MSH3: variants seen among roughly 807,000 people sequenced by gnomAD.
The protein encoded by MSH3 is mutS homolog 3.
In MSH3, 106 loss-of-function variants were observed where a neutral mutation model predicts 123.3. The ratio of observed to expected loss-of-function variants is 0.86; its 90% CI spans 0.73 to 1.01. MSH3 has a LOEUF of 1.01. Ranked by LOEUF, MSH3 falls within the 50% of genes least tolerant of loss-of-function variation. MSH3 has a pLI of 0.00. For missense variants in MSH3, 1,459 were observed against 1,347.6 expected (o/e 1.08, Z -1.29); for synonymous variants, 515 against 481.4 (o/e 1.07, Z -0.91).
chr5:80,692,651 G>GAT (rs1171802933), intron 8 of MSH3, among the ~76,000 whole-genome samples: 1,811 of 113,402 alleles, frequency 0.016, 76 homozygotes, highest in African/African-American at 0.049. Flanking sequence ...TGTTTATATA[G>GAT]ATATATATAT....
Position 80,772,278 on chromosome 5 carries a change from A to G in MSH3, c.2253+3275A>G, listed in dbSNP as rs1283078388. ...CTGTTTACTGGTTTAAAATGTGGAAAATAATCTGTTACATCTGAGTACTTT... is the reference window on the plus strand; with the variant it reads ...CTGTTTACTGGTTTAAAATGTGGAAGATAATCTGTTACATCTGAGTACTTT... On this transcript the variant is annotated intron_variant, in intron 15 of 23. Coordinates refer to ENST00000265081, the MANE Select transcript of MSH3 (RefSeq NM_002439.5). 2.0e-5 allele frequency among the ~76,000 whole-genome samples: 3 copies of G among 152,332 alleles called. No individual in the cohort carries two copies. In the East Asian group the frequency reaches 5.8e-4, roughly 29 times the overall value.
rs1337425751 is a variant in MSH3, at chr5:80,741,491, G to A, written c.1596G>A (p.Met532Ile). Residue 532 changes from methionine (M) to isoleucine (I), a missense_variant, in exon 11 of 24, where the codon ATG (methionine) becomes ATA (isoleucine). Transcript: ENST00000265081. ...PENFKQLSSKMEFMTINGTTL... is the reference protein window; with the variant it reads ...PENFKQLSSKIEFMTINGTTL... Reference sequence around the variant, plus strand: ...ATTTTAAACAGCTATCAAGTAAAATGGAATTTATGACAATTAATGGAACAA... The same window carrying A: ...ATTTTAAACAGCTATCAAGTAAAATAGAATTTATGACAATTAATGGAACAA... 1 of 1,605,572 alleles carries A rather than the reference G, an allele frequency of 6.2e-7. No individual in the cohort carries two copies. Among genetic ancestry groups the A allele is most frequent in the Non-Finnish European group, 8.5e-7 (1 of 1,172,434 alleles).
intron 8 of MSH3, among the ~76,000 whole-genome samples, chr5:80,717,729 G>A (rs1017275427): frequency 6.6e-6 from 1 of 151,798 alleles, no homozygotes; most frequent in Admixed American, 6.6e-5. Flanking sequence ...TGTCATTGTG[G>A]TTTTGATTTG....
At chr5:80,738,027 A>G (rs1216048631) in intron 10 of MSH3, among the ~76,000 whole-genome samples, 1 of 152,222 alleles carries the variant, frequency 6.6e-6, no homozygotes, top group Admixed American at 6.5e-5. Context: ...AACACCCATA[A>G]CCAACCAAAT....
At chr5:80,824,180 A>T (rs975007725) in intron 20 of MSH3, among the ~76,000 whole-genome samples, 3 of 152,214 alleles carry the variant, frequency 2.0e-5, no homozygotes, top group Admixed American at 1.3e-4. Flanking sequence ...CGCCATCGTC[A>T]TCATGGCCCA....
In MSH3 at chr5:80,864,965, G is replaced by T. The variant is rs750474686; in HGVS notation, c.3130+23G>T. Reference sequence around the variant, plus strand: ...CAGGTATGAAATATTCCTGCAGTTGGTACAAATATTGGTTTTCATGTTTGA... The same window carrying T: ...CAGGTATGAAATATTCCTGCAGTTGTTACAAATATTGGTTTTCATGTTTGA... On this transcript the variant is annotated intron_variant, in intron 22 of 23. Coordinates refer to ENST00000265081, the MANE Select transcript of MSH3 (RefSeq NM_002439.5). 3.7e-6 allele frequency: 6 copies of T among 1,612,726 alleles called. No homozygotes were observed. The highest frequency in any genetic ancestry group is 5.1e-6 in the Non-Finnish European group (6 of 1,178,878).
At chr5:80,695,887 C>A (rs1464017615) in intron 8 of MSH3, among the ~76,000 whole-genome samples, 1 of 152,112 alleles carries the variant, frequency 6.6e-6, no homozygotes, top group East Asian at 1.9e-4. Context: ...TTGGTTGGAA[C>A]CAGTGCTTTT....
intron 20 of MSH3, among the ~76,000 whole-genome samples, chr5:80,843,932 T>C (rs1745672162): frequency 6.6e-6 from 1 of 151,814 alleles, no homozygotes; most frequent in Non-Finnish European, 1.5e-5. Flanking sequence ...ATTTCTTGCC[T>C]TCTGCTTGCT....
At chr5:80,723,876 C>T (rs554796176) in intron 8 of MSH3, among the ~76,000 whole-genome samples, 3 of 152,194 alleles carry the variant, frequency 2.0e-5, no homozygotes, top group Non-Finnish European at 2.9e-5. Context: ...GATCCTCCCA[C>T]CTCAGCCTTC....
Position 80,744,489 on chromosome 5 carries a change from T to C in MSH3, c.1654-17T>C. The stretch of plus-strand genomic sequence containing the variant: ...TAATTGTCTAGTTAATAAAACTTGT[T>C]TTCTGGTCTTTCTTAGACTGATATG... On this transcript the variant is annotated splice_polypyrimidine_tract_variant and intron_variant, in intron 11 of 23. Coordinates refer to ENST00000265081, the MANE Select transcript of MSH3 (RefSeq NM_002439.5). 4 of 1,577,896 alleles carry C rather than the reference T, an allele frequency of 2.5e-6. No homozygotes were observed. Among genetic ancestry groups the C allele is most frequent in the Non-Finnish European group, 3.5e-6 (4 of 1,148,384 alleles).
chr5:80,808,619 C>A (rs1229109555), intron 19 of MSH3, among the ~76,000 whole-genome samples: 1 of 151,748 alleles, frequency 6.6e-6, no homozygotes, highest in Non-Finnish European at 1.5e-5. Context: ...TCTATATATA[C>A]AAAGAATTGA....
intron 22 of MSH3, among the ~76,000 whole-genome samples, chr5:80,872,696 T>A (rs1057136988): frequency 6.6e-6 from 1 of 152,040 alleles, no homozygotes; most frequent in Non-Finnish European, 1.5e-5. Flanking sequence ...TAGTCCTAGC[T>A]ACTTAGGAGG....
chr5:80,665,525 C>T (rs1718363627), intron 3 of MSH3, among the ~76,000 whole-genome samples, 162 bp downstream of exon 3: 1 of 152,058 alleles, frequency 6.6e-6, no homozygotes, highest in Non-Finnish European at 1.5e-5. Flanking sequence ...TCTTACATCC[C>T]TGGAGATTCG....
At chr5:80,800,153 A>G (rs1009385413) in intron 19 of MSH3, among the ~76,000 whole-genome samples, 2 of 152,254 alleles carry the variant, frequency 1.3e-5, no homozygotes, top group Non-Finnish European at 2.9e-5. Context: ...ATGTACTTCT[A>G]GTCTCTTCAT....
chr5:80,670,947 G>A (rs6151633), intron 4 of MSH3, among the ~76,000 whole-genome samples: 1 of 151,606 alleles, frequency 6.6e-6, no homozygotes, highest in Non-Finnish European at 1.5e-5. Flanking sequence ...TGGTGAAACC[G>A]CATCTCTACT....
chr5:80,694,362 A>G (rs557923969), intron 8 of MSH3, among the ~76,000 whole-genome samples: 19 of 152,308 alleles, frequency 1.2e-4, no homozygotes, highest in Non-Finnish European at 2.5e-4. Flanking sequence ...AACTTATCAC[A>G]GTGTACTTGT....
intron 10 of MSH3, 88 bp from the exon 11 acceptor site, chr5:80,741,376 T>A: frequency 1.1e-6 from 1 of 872,116 alleles, no homozygotes; most frequent in East Asian, 2.4e-5. Context: ...TTTGCCATAA[T>A]GTAGCTGGCA....
chr5:80,656,356 G>T, intron 1 of MSH3, 55 bp from the exon 2 acceptor site: 1 of 1,609,918 alleles, frequency 6.2e-7, no homozygotes, highest in South Asian at 1.1e-5. Flanking sequence ...CTTCACATAC[G>T]TCAGGCCTTC....
At chr5:80,775,267 G>C (rs886701164) in intron 15 of MSH3, among the ~76,000 whole-genome samples, 29 of 152,104 alleles carry the variant, frequency 1.9e-4, no homozygotes, top group Admixed American at 1.8e-3. Context: ...AATCCTCTCT[G>C]TTCAGAATAG....
Sources: allele counts gnomAD v4.1 joint callset (sites outside exome capture counted in the v4.1 genomes callset), GRCh38; gene constraint gnomAD v4.1.1; transcripts MANE v1.5; gene names NCBI Gene and HGNC (gene_info 2026-07-23, HGNC 2026-07-21).